Variants in SEMA6D observed in about 807,000 individuals in gnomAD.
SEMA6D encodes the protein semaphorin-6D.
SEMA6D carries 35 observed loss-of-function variants against 106.6 expected under a neutral mutation model. That is an observed-to-expected ratio of 0.33 (90% CI 0.25 to 0.44). The LOEUF is 0.44. SEMA6D is among the 20% of genes least tolerant of loss of function. The pLI, the probability that SEMA6D is intolerant of heterozygous loss-of-function variation, is 1.00. For synonymous variants in SEMA6D, 499 were observed against 487.7 expected (o/e 1.02, Z -0.31); for missense variants, 1,185 against 1,345.9 (o/e 0.88, Z 1.87).
intron 4 of SEMA6D, among the ~76,000 whole-genome samples, chr15:47,693,926 A>T (rs181605485): frequency 6.6e-6 from 1 of 152,262 alleles, no homozygotes; most frequent in African/African-American, 2.4e-5. Context: ...CTGGCAACAG[A>T]GCAAGATCCT....
At chr15:47,366,021 G>A (rs12324232) in intron 1 of SEMA6D, among the ~76,000 whole-genome samples, 2,315 of 152,270 alleles carry the variant, frequency 0.015, 57 homozygotes, top group African/African-American at 0.053. Flanking sequence ...TTTAGGAGAT[G>A]TTTGACGATG....
rs753334935 is a variant in SEMA6D, at chr15:47,768,655, T to C, written c.1840T>C (p.Trp614Arg). ...PEITPKVIDT[W>R]RPKLTSSRKF... ...AATCACACCTAAAGTGATTGATACC[T>C]GGAGACCTAAACTGACAAGCTCTCG... The change falls in exon 18 of 19, where the codon TGG becomes CGG. Residue 614 changes from tryptophan (W) to arginine (R), a missense_variant. Trp to Arg is a moderately radical substitution (Grantham distance 101, BLOSUM62 -3). Around this residue, in one of 3 missense-constraint regions of SEMA6D, gnomAD observed 750 missense variants for 783.5 expected, o/e 0.96. Transcript: ENST00000536845. The C allele has an allele frequency of 3.1e-6, 5 of 1,613,674 alleles. No individual in the cohort carries two copies. The South Asian group carries it at 4.4e-5, about 14-fold the overall frequency.
At chr15:47,336,816 C>T (rs907513326) in intron 1 of SEMA6D, among the ~76,000 whole-genome samples, 3 of 152,132 alleles carry the variant, frequency 2.0e-5, no homozygotes, top group African/African-American at 7.2e-5. Context: ...ACCATCTCTC[C>T]ACTGGAGCTG....
chr15:47,275,346 A>G (rs2034753883), intron 1 of SEMA6D, among the ~76,000 whole-genome samples: 1 of 152,182 alleles, frequency 6.6e-6, no homozygotes, highest in Non-Finnish European at 1.5e-5. Context: ...ACCTTATCTT[A>G]CTGCACTCAC....
chr15:47,351,300 TA>T (rs1344402910), intron 1 of SEMA6D, among the ~76,000 whole-genome samples: 2 of 152,216 alleles, frequency 1.3e-5, no homozygotes, highest in African/African-American at 4.8e-5. Flanking sequence ...TTTTTACCAC[TA>T]CTTATTGTAA....
intron 4 of SEMA6D, among the ~76,000 whole-genome samples, chr15:47,614,359 A>T (rs1020271003): frequency 9.2e-5 from 14 of 152,206 alleles, no homozygotes; most frequent in East Asian, 1.9e-4. Context: ...ATAACCATTC[A>T]GATGGTTCAA....
chr15:47,675,336 A>G (rs61539750), intron 4 of SEMA6D, among the ~76,000 whole-genome samples: 2,230 of 152,274 alleles, frequency 0.015, 59 homozygotes, highest in African/African-American at 0.051. Context: ...AAATGAGGCA[A>G]TTAGGGTGGG....
chr15:47,377,364 A>G (rs1312037163), intron 1 of SEMA6D, among the ~76,000 whole-genome samples: 1 of 152,166 alleles, frequency 6.6e-6, no homozygotes, highest in African/African-American at 2.4e-5. Flanking sequence ...TAGCAATTCA[A>G]TGAGATGGAA....
At chr15:47,494,839 A>G (rs2043602464) in intron 3 of SEMA6D, among the ~76,000 whole-genome samples, 1 of 140,114 alleles carries the variant, frequency 7.1e-6, no homozygotes, top group African/African-American at 2.6e-5. Flanking sequence ...ACGCTAATTC[A>G]TGAATCATTC....
intron 2 of SEMA6D, among the ~76,000 whole-genome samples, chr15:47,426,336 T>G (rs2140474222): frequency 6.6e-6 from 1 of 152,210 alleles, no homozygotes; most frequent in Middle Eastern, 3.4e-3. Flanking sequence ...TGTTCTGTTT[T>G]ATTTGATATT....
At position 47,348,727 on chromosome 15, in the gene SEMA6D, CAGAGAG is replaced by C. The variant is rs55719976; in HGVS notation, c.-238-63632_-238-63627del. ...CACACACACACACACACCACACACA[CAGAGAG>C]AGAGAGAGAGAGAGAGAGAGAGAGA... On this transcript the variant is annotated intron_variant, in intron 1 of 19. Transcript: ENST00000558014. Among the ~76,000 whole-genome samples the C allele has an allele frequency of 2.5e-3, 141 of 57,106 alleles. 2 individuals are homozygous for C. Among genetic ancestry groups the C allele is most frequent in the African/African-American group, 5.9e-3 (120 of 20,208 alleles). 37.5% of individuals were successfully genotyped at this position (57,106 alleles called of 152,430 possible). A position where few individuals can be genotyped will look rare whatever the true frequency, so the allele number is the denominator to read the frequency against.
chr15:47,558,185 G>C (rs954166805), intron 3 of SEMA6D, among the ~76,000 whole-genome samples: 11 of 151,968 alleles, frequency 7.2e-5, no homozygotes, highest in African/African-American at 2.7e-4. Flanking sequence ...GACTTCATAG[G>C]ATATACTGTC....
At chr15:47,535,069 CAAAA>C (rs796493775) in intron 3 of SEMA6D, among the ~76,000 whole-genome samples, 1 of 93,272 alleles carries the variant, frequency 1.1e-5, no homozygotes, top group Non-Finnish European at 2.5e-5. Flanking sequence ...AAGAATGTGA[CAAAA>C]AAAAAAAAAA....
At chr15:47,558,816 A>G (rs1342801274) in intron 3 of SEMA6D, among the ~76,000 whole-genome samples, 3 of 152,108 alleles carry the variant, frequency 2.0e-5, no homozygotes, top group Non-Finnish European at 4.4e-5. Context: ...GGAGAAGAGT[A>G]TAAGATAGAA....
rs181621468 is a variant in SEMA6D, at chr15:47,265,011, T to G, written c.-239+80593T>G. 9.2e-5 allele frequency among the ~76,000 whole-genome samples: 14 copies of G among 152,184 alleles called. No homozygotes were observed. In the East Asian group the frequency reaches 2.5e-3, roughly 27 times the overall value. On this transcript the variant is annotated intron_variant, in intron 1 of 19. Transcript: ENST00000558014. ...CTTTAATATGTTCCTGGATTCAGTT[T>G]GCTAGAATCTTCTTGAGGATTTTAT...
exon 2 of SEMA6D, chr15:47,412,434 G>A (rs1456881888): frequency 6.6e-6 from 1 of 152,612 alleles, no homozygotes; most frequent in African/African-American, 2.4e-5. Context: ...TGGGAACACT[G>A]AGGCCAGCAA....
chr15:47,679,578 A>G (rs750270200), intron 4 of SEMA6D, among the ~76,000 whole-genome samples: 3 of 147,020 alleles, frequency 2.0e-5, no homozygotes, highest in African/African-American at 7.3e-5. Flanking sequence ...CAGAGAGGCA[A>G]TACCCTTTTT....
intron 2 of SEMA6D, among the ~76,000 whole-genome samples, chr15:47,458,641 T>C (rs796841071): frequency 5.9e-5 from 9 of 152,020 alleles, no homozygotes; most frequent in African/African-American, 2.2e-4. Context: ...AAAAGGGAAA[T>C]CAGAATGTAT....
In SEMA6D at chr15:47,773,922, G is replaced by A. The variant is rs1009434934; in HGVS notation, c.*2137G>A. 1 of 152,620 alleles carries A rather than the reference G, an allele frequency of 6.6e-6. No homozygotes were observed. The highest frequency in any genetic ancestry group is 1.9e-4 in the East Asian group (1 of 5,190). The allele number at this position is 152,620 out of a possible 1,614,324, so 9.5% of individuals were successfully genotyped here. A position where few individuals can be genotyped will look rare whatever the true frequency, so the allele number is the denominator to read the frequency against. Reference sequence around the variant, plus strand: ...TTTTGTAACATTGTGCTTCCTTGTAGTTTGTAATGTGAGTTCAATCAGTAT... The same window carrying A: ...TTTTGTAACATTGTGCTTCCTTGTAATTTGTAATGTGAGTTCAATCAGTAT... On this transcript the variant is annotated 3_prime_UTR_variant, in exon 19 of 19. Transcript: ENST00000536845.
Sources: allele counts gnomAD v4.1 joint callset (sites outside exome capture counted in the v4.1 genomes callset), GRCh38; gene constraint gnomAD v4.1.1; regional missense constraint gnomAD v4.1.1; transcripts MANE v1.5; gene names NCBI Gene and HGNC (gene_info 2026-07-23, HGNC 2026-07-21).